The following SOX5 variants were observed in gnomAD, a reference collection of about 807,000 sequenced individuals.
SOX5 encodes the protein SRY-box transcription factor 5, also known as transcription factor SOX-5.
SOX5 carries 9 observed loss-of-function variants against 92.0 expected under a neutral mutation model. The ratio of observed to expected loss-of-function variants is 0.10; its 90% confidence interval spans 0.06 to 0.17. SOX5 has a LOEUF of 0.17. Among genes scored for constraint, SOX5 ranks in the 10% least tolerant of loss-of-function variants. The pLI, the probability that SOX5 is intolerant of heterozygous loss-of-function variation, is 1.00. For missense variants in SOX5, 642 were observed against 944.5 expected, an observed-to-expected ratio of 0.68 and a Z score of 4.20; for synonymous variants, 344 against 336.3, an observed-to-expected ratio of 1.02 and a Z score of -0.25.
At chr12:24,242,912 T>G (rs374118670) in intron 3 of SOX5, among the ~76,000 whole-genome samples, 1 of 152,186 alleles carries the variant, frequency 6.6e-6, no homozygotes, top group Admixed American at 6.5e-5. Context: ...AAATACTCAT[T>G]TGAAGTATCA....
rs200158176 is a variant in SOX5, at chr12:24,336,294, C to A, written c.-174+32269G>T. On this transcript the variant is annotated intron_variant, in intron 2 of 4. Transcript: ENST00000446891. Reference sequence around the variant, plus strand: ...ATTTTTAGTAGAGACGGTGTTTCACCATGTTAGCCAGGATGGTCTTGCTCT... The same window carrying A: ...ATTTTTAGTAGAGACGGTGTTTCACAATGTTAGCCAGGATGGTCTTGCTCT... 6.8e-4 allele frequency among the ~76,000 whole-genome samples: 104 copies of A among 151,992 alleles called. 2 individuals are homozygous for A. In the East Asian group the frequency reaches 0.019, roughly 27 times the overall value.
At chr12:23,601,106 T>C (rs1360960994) in intron 9 of SOX5, among the ~76,000 whole-genome samples, 2 of 152,042 alleles carry the variant, frequency 1.3e-5, no homozygotes, top group Non-Finnish European at 2.9e-5. Context: ...CTCAGCATTA[T>C]CCTTTCTCTC....
intron 2 of SOX5, among the ~76,000 whole-genome samples, chr12:23,865,737 A>G (rs1006827312): frequency 3.9e-5 from 6 of 152,202 alleles, no homozygotes; most frequent in Non-Finnish European, 8.8e-5. Context: ...GATTCCTCTG[A>G]TGTATCTTGG....
At chr12:24,107,660 C>T (rs183775878) in intron 4 of SOX5, among the ~76,000 whole-genome samples, 107 of 152,294 alleles carry the variant, frequency 7.0e-4, no homozygotes, top group African/African-American at 2.4e-3. Flanking sequence ...AAAGGAGTTC[C>T]TGCATCTTTA....
At chr12:24,004,593 C>G (rs1343922956) in intron 4 of SOX5, among the ~76,000 whole-genome samples, 1 of 151,998 alleles carries the variant, frequency 6.6e-6, no homozygotes, top group Non-Finnish European at 1.5e-5. Flanking sequence ...CAATGGTGGC[C>G]ATATTTTAAG....
At chr12:24,057,101 A>G (rs1031159956) in intron 4 of SOX5, among the ~76,000 whole-genome samples, 23 of 152,012 alleles carry the variant, frequency 1.5e-4, no homozygotes, top group African/African-American at 5.6e-4. Flanking sequence ...ATGTACTCCA[A>G]AAAGAGGTGC....
At chr12:24,195,705 G>A (rs1354952637) in intron 4 of SOX5, among the ~76,000 whole-genome samples, 2 of 152,048 alleles carry the variant, frequency 1.3e-5, no homozygotes, top group African/African-American at 2.4e-5. Flanking sequence ...TCAAATTTGA[G>A]AAGAATATAC....
intron 1 of SOX5, among the ~76,000 whole-genome samples, chr12:24,422,020 T>C (rs1965988942): frequency 6.6e-6 from 1 of 152,240 alleles, no homozygotes; most frequent in South Asian, 2.1e-4. Context: ...TAATCCCATC[T>C]GTAAAGGTTG....
At chr12:23,548,437 A>G (rs1420002247) in intron 11 of SOX5, among the ~76,000 whole-genome samples, 4 of 152,080 alleles carry the variant, frequency 2.6e-5, no homozygotes, top group Non-Finnish European at 4.4e-5. Context: ...AAAACTTACT[A>G]TGCTTCTCAA....
intron 3 of SOX5, chr12:23,762,665 GT>G: frequency 4.2e-6 from 2 of 470,760 alleles, no homozygotes; most frequent in South Asian, 4.3e-5. Flanking sequence ...TTAATGTGAA[GT>G]TTTTAGAAAA....
intron 9 of SOX5, among the ~76,000 whole-genome samples, chr12:23,601,632 T>C (rs1171114281): frequency 6.6e-6 from 1 of 152,210 alleles, no homozygotes; most frequent in Non-Finnish European, 1.5e-5. Flanking sequence ...ATGATGGCTA[T>C]TATACATGAA....
intron 2 of SOX5, among the ~76,000 whole-genome samples, chr12:24,355,734 T>C (rs1954754961): frequency 6.6e-6 from 1 of 152,346 alleles, no homozygotes; most frequent in East Asian, 1.9e-4. Context: ...AGTTCAAAGA[T>C]TTTAAATTCA....
chr12:24,451,657 G>T (rs1942324249), intron 1 of SOX5, among the ~76,000 whole-genome samples: 3 of 152,222 alleles, frequency 2.0e-5, no homozygotes, highest in African/African-American at 4.8e-5. Flanking sequence ...TAAGAAGATG[G>T]GTTTTAGAAG....
intron 4 of SOX5, among the ~76,000 whole-genome samples, chr12:24,075,210 A>C (rs1276565152): frequency 6.7e-6 from 1 of 148,756 alleles, no homozygotes; most frequent in East Asian, 2.0e-4. Context: ...TTGAGGCTTC[A>C]GTGAGCTATG....
chr12:24,271,935 C>G (rs1369062915), intron 3 of SOX5, among the ~76,000 whole-genome samples: 1 of 151,870 alleles, frequency 6.6e-6, no homozygotes, highest in East Asian at 1.9e-4. Context: ...CTATCTTTTG[C>G]CTTTCACATT....
At chr12:23,933,794 A>T (rs1329405316) in intron 1 of SOX5, among the ~76,000 whole-genome samples, 2 of 151,568 alleles carry the variant, frequency 1.3e-5, no homozygotes, top group Non-Finnish European at 3.0e-5. Flanking sequence ...GTATACTCTT[A>T]AACCTGGAGC....
chr12:24,370,456 G>A (rs536222128), intron 1 of SOX5, among the ~76,000 whole-genome samples: 17 of 117,390 alleles, frequency 1.4e-4, no homozygotes, highest in African/African-American at 5.3e-4. Flanking sequence ...CAGCCTGGGC[G>A]ACACTGCAAG....
chr12:23,685,680 G>A, intron 6 of SOX5, among the ~76,000 whole-genome samples: 1 of 150,474 alleles, frequency 6.6e-6, no homozygotes, highest in South Asian at 2.1e-4. Flanking sequence ...GCTTAGCACG[G>A]GAAGCTCAGG....
intron 2 of SOX5, among the ~76,000 whole-genome samples, chr12:23,867,731 C>T (rs572394541): frequency 6.6e-6 from 1 of 151,782 alleles, no homozygotes; most frequent in Non-Finnish European, 1.5e-5. Flanking sequence ...CTTTCCTACA[C>T]ACTATGCCAC....
Sources: gnomAD v4.1 joint callset for allele counts (sites outside exome capture counted in the v4.1 genomes callset) on GRCh38, gnomAD v4.1.1 for gene constraint, MANE v1.5 for transcripts, NCBI Gene and HGNC (gene_info 2026-07-23, HGNC 2026-07-21) for gene names.